KRT25: variants seen among roughly 807,000 people sequenced by gnomAD.
KRT25 encodes the protein keratin, type I cytoskeletal 25.
A neutral mutation model predicts 47.6 loss-of-function variants in KRT25; 37 were observed. The ratio of observed to expected loss-of-function variants is 0.78; its 90% CI spans 0.60 to 1.02. The LOEUF (loss-of-function observed/expected upper bound fraction) is 1.02, where lower values mean the gene tolerates loss of function less well. Among genes scored for constraint, KRT25 ranks in the 50% least tolerant of loss-of-function variants. The probability of loss-of-function intolerance (pLI) is 0.00; values close to 1 mark genes in which losing one functional copy is unlikely to be tolerated. For missense variants in KRT25, 542 were observed against 550.3 expected (o/e 0.98, Z 0.15); for synonymous variants, 203 against 210.2 (o/e 0.97, Z 0.30).
chr17:40,752,013 A>C (rs1445507937), intron 3 of KRT25, among the ~76,000 whole-genome samples: 1 of 152,038 alleles, frequency 6.6e-6, no homozygotes, highest in Non-Finnish European at 1.5e-5. Flanking sequence ...AGTCACGCAG[A>C]TCTCTCTGAA....
chr17:40,749,615 G>C (rs1356800524), intron 6 of KRT25, among the ~76,000 whole-genome samples: 3 of 152,162 alleles, frequency 2.0e-5, no homozygotes, highest in African/African-American at 7.2e-5. Flanking sequence ...TACAACTTAG[G>C]TTGAAATTCA....
rs774115108 is a variant in KRT25 at position 40,755,195 on chromosome 17, C to G, written c.77G>C (p.Gly26Ala). 2.5e-6 allele frequency: 4 copies of G among 1,614,200 alleles called. No individual in the cohort carries two copies. The highest frequency in any genetic ancestry group is 3.4e-6 in the Non-Finnish European group (4 of 1,180,036). ...ATTTCCAGTACCAAAGCTGGTTCCC[C>G]CACCATAGAGTCTGAGTGATCCAGT... Reference protein sequence around the residue: ...PTTGSLRLYGGGTSFGTGNSC... With the variant: ...PTTGSLRLYGAGTSFGTGNSC... Residue 26 changes from glycine to alanine, a missense_variant, in exon 1 of 8, where the codon GGG (glycine) becomes GCG (alanine). Gly to Ala is a moderately conservative substitution (Grantham distance 60). Transcript: ENST00000312150.
chr17:40,751,891 T>C (rs569040625), intron 3 of KRT25, among the ~76,000 whole-genome samples: 3,689 of 134,980 alleles, frequency 0.027, 157 homozygotes, highest in African/African-American at 0.082. Context: ...TGCGTGTGTG[T>C]GTGTGTGTGT....
intron 6 of KRT25, among the ~76,000 whole-genome samples, chr17:40,749,942 G>A (rs1443632193): frequency 6.6e-6 from 1 of 152,124 alleles, no homozygotes; most frequent in African/African-American, 2.4e-5. Flanking sequence ...ACTTTCTGGG[G>A]TGATGAAAAT....
intron 6 of KRT25, among the ~76,000 whole-genome samples, chr17:40,749,592 C>T (rs903393558): frequency 9.9e-5 from 15 of 152,182 alleles, no homozygotes; most frequent in Admixed American, 9.8e-4. Flanking sequence ...TAGCATGCCA[C>T]TGGGTGTATT....
chr17:40,752,940 C>A (rs2109217), intron 3 of KRT25, among the ~76,000 whole-genome samples: 47,866 of 151,990 alleles, frequency 0.31, 9,283 homozygotes, highest in East Asian at 0.65. Flanking sequence ...TGAAAGCAAT[C>A]CTAAAGATGT....
rs562831380 is a variant in KRT25, at chr17:40,750,906, T to C, written c.957+48A>G. 1.1e-5 allele frequency: 17 copies of C among 1,602,120 alleles called. No homozygotes were observed. The South Asian group carries it at 1.9e-4, about 18-fold the overall frequency. ...TTTTTAAAACCAGCTGGCAAGTATC[T>C]AACATGATGACCTGGGAGATGGTGA... On this transcript the variant is annotated intron_variant, in intron 5 of 7. Coordinates refer to ENST00000312150, the MANE Select transcript of KRT25 (RefSeq NM_181534.4).
intron 3 of KRT25, among the ~76,000 whole-genome samples, chr17:40,752,774 T>C (rs1390248311): frequency 6.6e-6 from 1 of 152,238 alleles, no homozygotes; most frequent in Non-Finnish European, 1.5e-5. Flanking sequence ...CAAGTAGTTA[T>C]ATTTATAAGA....
chr17:40,748,671 A>T (rs1236181098), intron 7 of KRT25, among the ~76,000 whole-genome samples: 2 of 152,250 alleles, frequency 1.3e-5, no homozygotes, highest in Non-Finnish European at 2.9e-5. Context: ...TGGTAATATA[A>T]GAACAATCAA....
At chr17:40,750,755 A>G (rs547062564) in intron 5 of KRT25, among the ~76,000 whole-genome samples, 158 bp from the exon 6 acceptor site, 1 of 152,250 alleles carries the variant, frequency 6.6e-6, no homozygotes, top group Non-Finnish European at 1.5e-5. Context: ...GAAAATGAGC[A>G]AATCCTTCTT....
chr17:40,755,311 A>G lies in KRT25; in HGVS notation c.-40T>C, dbSNP rs765176348. 1.3e-6 allele frequency: 2 copies of G among 1,572,710 alleles called. No homozygotes were observed. The highest frequency in any genetic ancestry group is 2.4e-5 in the South Asian group (2 of 84,542). ...CGCGTTGCAGAGCTGTATTTGTGAA[A>G]GCCAGAATGGAGTGCCTTCTTGTCT... On this transcript the variant is annotated 5_prime_UTR_variant, in exon 1 of 8. Coordinates refer to ENST00000312150, the MANE Select transcript of KRT25 (RefSeq NM_181534.4).
chr17:40,748,553 T>C (rs901373979), intron 7 of KRT25, among the ~76,000 whole-genome samples, 167 bp from the exon 8 acceptor site: 2 of 152,234 alleles, frequency 1.3e-5, no homozygotes, highest in African/African-American at 4.8e-5. Context: ...AGAAAAAACA[T>C]GGTGACATGT....
Position 40,751,156 on chromosome 17 carries a change from G to A in KRT25, c.831+9C>T, listed in dbSNP as rs1442001835. ...CATGCAAAGGGACCGTTTTCTGGAG[G>A]AGAGTCACCTTCTCGTTGAACCAGG... On this transcript the variant is annotated intron_variant, in intron 4 of 7. Transcript: ENST00000312150. 13 of 1,614,082 alleles carry A rather than the reference G, an allele frequency of 8.1e-6. No individual in the cohort carries two copies. The highest frequency in any genetic ancestry group is 1.1e-5 in the Non-Finnish European group (13 of 1,179,974).
upstream of KRT25, chr17:40,755,379 T>C (rs2038098150): frequency 9.8e-7 from 1 of 1,024,018 alleles, no homozygotes; most frequent in Middle Eastern, 3.0e-4. Flanking sequence ...CCCAAGTGTG[T>C]TCTGAATGAA....
rs578116776 is a variant in KRT25, at chr17:40,748,395, T to C, written c.1244-9A>G. The C allele has an allele frequency of 3.5e-4, 539 of 1,538,378 alleles. 6 individuals are homozygous for C. The South Asian group carries it at 6.2e-3, about 18-fold the overall frequency. ...TATGGCTTTGGCTGGGTCTGAGCAT[T>C]AAAAATTAAAAGGAGATTTTATGTA... On this transcript the variant is annotated splice_polypyrimidine_tract_variant and intron_variant, in intron 7 of 7. Coordinates refer to ENST00000312150, the MANE Select transcript of KRT25 (RefSeq NM_181534.4).
At position 40,754,876 on chromosome 17, in the gene KRT25, T is replaced by C. The variant is rs768855299; in HGVS notation, c.396A>G (p.Arg132=). The C allele has an allele frequency of 3.1e-5, 50 of 1,613,328 alleles. No individual in the cohort carries two copies. The East Asian group carries it at 1.1e-3, about 35-fold the overall frequency. The change falls in exon 1 of 8, where the codon AGA becomes AGG. Residue 132 remains arginine (R), a synonymous_variant. Transcript: ENST00000312150. Reference sequence around the variant, plus strand: ...TAAGGTCATCAATTATTGGGAAATATCTGCTATAGTCATGATCAAGACCAC... The same window carrying C: ...TAAGGTCATCAATTATTGGGAAATACCTGCTATAGTCATGATCAAGACCAC... ...SCRGLDHDYS[R]YFPIIDDLKN...
intron 3 of KRT25, 39 bp downstream of exon 3, chr17:40,753,821 C>T: frequency 6.7e-7 from 1 of 1,493,304 alleles, no homozygotes. Flanking sequence ...TGCACAGTGT[C>T]TGCGGAGGGA....
rs757701013 is a variant in KRT25, at chr17:40,750,435, G to C, written c.1120C>G (p.Leu374Val). The change falls in exon 6 of 8, where the codon CTC becomes GTC. Residue 374 changes from leucine to valine, a missense_variant. Leu to Val is a conservative substitution (Grantham distance 32, BLOSUM62 1). Transcript: ENST00000312150. ...LEYEQLLDIK[L>V]HLEKEIETYC... ...GTCTCAATTTCTTTTTCCAGGTGGA[G>C]CTTGATGTCCAGGAGCTGCTCATAC... The C allele has an allele frequency of 2.5e-6, 4 of 1,613,936 alleles. No individual in the cohort carries two copies. The highest frequency in any genetic ancestry group is 3.4e-6 in the Non-Finnish European group (4 of 1,179,870).
chr17:40,750,936 A>C lies in KRT25; in HGVS notation c.957+18T>G. The stretch of plus-strand genomic sequence containing the variant: ...TGATGACCTGGGAGATGGTGAAAAA[A>C]AATTGTTCTTTTCATACCGTGGCTA... On this transcript the variant is annotated intron_variant, in intron 5 of 7. Transcript: ENST00000312150. 6.2e-7 allele frequency: 1 copy of C among 1,612,600 alleles called. No homozygotes were observed.
Sources: allele counts gnomAD v4.1 joint callset (sites outside exome capture counted in the v4.1 genomes callset), GRCh38; gene constraint gnomAD v4.1.1; transcripts MANE v1.5; gene names NCBI Gene and HGNC (gene_info 2026-07-23, HGNC 2026-07-21).